SLC38A8: variants seen among roughly 807,000 people sequenced by gnomAD.
SLC38A8 encodes the protein amino acid transporter SLC38A8.
In SLC38A8, 65 loss-of-function variants were observed where a neutral mutation model predicts 46.0. That is an observed-to-expected ratio of 1.41 (90% CI 1.16 to 1.74). The LOEUF (loss-of-function observed/expected upper bound fraction) is 1.74, where lower values mean the gene tolerates loss of function less well. Among genes scored for constraint, SLC38A8 ranks in the 40% most tolerant of loss-of-function variants. SLC38A8 has a pLI of 0.00. For missense variants in SLC38A8, 998 were observed against 567.9 expected (o/e 1.76, Z -7.70); for synonymous variants, 447 against 243.7 (o/e 1.83, Z -7.77).
intron 7 of SLC38A8, among the ~76,000 whole-genome samples, chr16:84,018,295 C>A (rs570816262): frequency 7.1e-6 from 1 of 140,264 alleles, no homozygotes; most frequent in African/African-American, 2.7e-5. Flanking sequence ...TGCAGTGGCA[C>A]GATCTCGGCT....
chr16:84,040,625 C>T (rs560285405), intron 2 of SLC38A8, among the ~76,000 whole-genome samples: 1 of 152,342 alleles, frequency 6.6e-6, no homozygotes, highest in Non-Finnish European at 1.5e-5. Flanking sequence ...GCTGTAATGG[C>T]AGGCTTCCTG....
At position 84,009,762 on chromosome 16, in the gene SLC38A8, C is replaced by T. The variant is rs1243096510; in HGVS notation, c.*22G>A. ...AGGGTCAGCCCCCGGAGGGCCCCTT[C>T]CTGCCCGGCACTAGCTGCCCATCAG... On this transcript the variant is annotated 3_prime_UTR_variant, in exon 11 of 11. Transcript: ENST00000299709. 1.9e-6 allele frequency: 3 copies of T among 1,608,152 alleles called. No homozygotes were observed. The African/African-American group carries it at 4.0e-5, about 22-fold the overall frequency.
At chr16:84,036,984 C>T in intron 2 of SLC38A8, 84 bp from the exon 3 acceptor site, 1 of 1,363,770 alleles carries the variant, frequency 7.3e-7, no homozygotes, top group Non-Finnish European at 1.0e-6. Context: ...GCACACTCTC[C>T]ACATGGCTTC....
At chr16:84,022,979 T>A in intron 6 of SLC38A8, 90 bp from the exon 7 acceptor site, 1 of 856,704 alleles carries the variant, frequency 1.2e-6, no homozygotes, top group Non-Finnish European at 1.8e-6. Context: ...GCGGGAAATG[T>A]GGGATATGAT....
At chr16:84,029,710 T>C (rs1422146754) in intron 5 of SLC38A8, among the ~76,000 whole-genome samples, 159 bp from the exon 6 acceptor site, 1 of 133,978 alleles carries the variant, frequency 7.5e-6, no homozygotes, top group East Asian at 2.0e-4. Flanking sequence ...CTTTTGGAAA[T>C]GGAAAAGGAT....
At chr16:84,033,693 C>G (rs140539772) in intron 3 of SLC38A8, among the ~76,000 whole-genome samples, 88 of 152,290 alleles carry the variant, frequency 5.8e-4, no homozygotes, top group African/African-American at 2.0e-3. Context: ...GGCTCCTTCC[C>G]CAAGCCCAGC....
chr16:84,024,979 T>G (rs1207163071), intron 6 of SLC38A8, among the ~76,000 whole-genome samples: 1 of 152,106 alleles, frequency 6.6e-6, no homozygotes, highest in Admixed American at 6.5e-5. Flanking sequence ...CCAAGCCCAG[T>G]GCAAGAATTT....
At chr16:84,020,348 G>A (rs1011970746) in intron 7 of SLC38A8, among the ~76,000 whole-genome samples, 7 of 152,122 alleles carry the variant, frequency 4.6e-5, no homozygotes, top group African/African-American at 1.7e-4. Context: ...GTCTCACTAC[G>A]TTGGCCAGGC....
chr16:84,029,585 A>C (rs761839202), intron 5 of SLC38A8, 34 bp from the exon 6 acceptor site: 1 of 1,610,254 alleles, frequency 6.2e-7, no homozygotes, highest in Non-Finnish European at 8.5e-7. Context: ...TTTATTAAAG[A>C]AGGGTCACAC....
chr16:84,026,407 A>T (rs1404578287), intron 6 of SLC38A8, among the ~76,000 whole-genome samples: 2 of 152,134 alleles, frequency 1.3e-5, no homozygotes, highest in African/African-American at 4.8e-5. Context: ...TTGTATTTTT[A>T]GTGAAGATGG....
intron 7 of SLC38A8, among the ~76,000 whole-genome samples, chr16:84,020,998 T>C (rs867724365): frequency 2.0e-5 from 3 of 152,212 alleles, no homozygotes; most frequent in Non-Finnish European, 4.4e-5. Flanking sequence ...AGAGTAGCCA[T>C]GCAGCATCCT....
chr16:84,035,867 G>C (rs768580848), intron 3 of SLC38A8, among the ~76,000 whole-genome samples: 2 of 152,192 alleles, frequency 1.3e-5, no homozygotes, highest in South Asian at 2.1e-4. Context: ...CCTTCTCTTA[G>C]GAATAGAATA....
intron 3 of SLC38A8, among the ~76,000 whole-genome samples, chr16:84,036,026 C>A (rs1180701506): frequency 2.6e-5 from 4 of 152,180 alleles, no homozygotes; most frequent in East Asian, 1.9e-4. Context: ...CCAAGACAGA[C>A]CATGTGCTGG....
intron 6 of SLC38A8, among the ~76,000 whole-genome samples, chr16:84,024,338 T>A (rs1200803507): frequency 6.6e-6 from 1 of 152,028 alleles, no homozygotes; most frequent in East Asian, 1.9e-4. Context: ...ACATGCCATA[T>A]TGGGGTAAGC....
At chr16:84,030,866 C>G (rs1391305015) in intron 5 of SLC38A8, among the ~76,000 whole-genome samples, 1 of 147,138 alleles carries the variant, frequency 6.8e-6, no homozygotes, top group Non-Finnish European at 1.5e-5. Context: ...ACGAGCCAGC[C>G]CTGCCACTGG....
At chr16:84,038,251 C>T (rs1426381162) in intron 2 of SLC38A8, among the ~76,000 whole-genome samples, 2 of 151,652 alleles carry the variant, frequency 1.3e-5, no homozygotes, top group Non-Finnish European at 2.9e-5. Context: ...GCGGAAGTTG[C>T]AGTAAGCTGA....
intron 2 of SLC38A8, among the ~76,000 whole-genome samples, chr16:84,039,098 G>C (rs541672282): frequency 1.4e-3 from 209 of 152,294 alleles, no homozygotes; most frequent in African/African-American, 4.9e-3. Context: ...AGACAGAAGG[G>C]AAGGAGGCAG....
rs201684486 is a variant in SLC38A8 at position 84,031,880 on chromosome 16, G to C, written c.619C>G (p.His207Asp). The C allele has an allele frequency of 6.2e-7, 1 of 1,614,074 alleles. No individual in the cohort carries two copies. The highest frequency in any genetic ancestry group is 8.5e-7 in the Non-Finnish European group (1 of 1,179,960). Residue 207 changes from histidine to aspartate, a missense_variant, in exon 5 of 11, where the codon CAT becomes GAT. Coordinates refer to ENST00000299709, the MANE Select transcript of SLC38A8 (RefSeq NM_001080442.3). ...LWPQGLVRES[H>D]PSLSPASWTS... ...CCTCAGACTTACCTCAGTGAAGGAT[G>C]GGACTCACGCACGAGGCCCTGGGGC... is the stretch of plus-strand genomic sequence containing the variant.
chr16:84,018,617 T>C (rs2085059700), intron 7 of SLC38A8, among the ~76,000 whole-genome samples: 1 of 152,116 alleles, frequency 6.6e-6, no homozygotes. Flanking sequence ...CATGCCTGCC[T>C]CTTATGTGGG....
Sources: allele counts gnomAD v4.1 joint callset (sites outside exome capture counted in the v4.1 genomes callset), GRCh38; gene constraint gnomAD v4.1.1; transcripts MANE v1.5; gene names NCBI Gene and HGNC (gene_info 2026-07-23, HGNC 2026-07-21).